The following ALCAM variants were observed in gnomAD, a reference collection of about 807,000 sequenced individuals.
The protein encoded by ALCAM is CD166 antigen.
Under a neutral mutation model 70.9 loss-of-function variants are expected in ALCAM, and 30 were observed. The ratio of observed to expected loss-of-function variants is 0.42; its 90% CI spans 0.32 to 0.57. ALCAM has a LOEUF of 0.57. ALCAM is among the 20% of genes least tolerant of loss of function. ALCAM has a pLI of 0.11. For synonymous variants in ALCAM, 249 were observed against 242.5 expected, an observed-to-expected ratio of 1.03 and a Z score of -0.25; for missense variants, 591 against 695.1, an observed-to-expected ratio of 0.85 and a Z score of 1.68.
At chr3:105,509,097 AATTT>A (rs776489484) in intron 1 of ALCAM, among the ~76,000 whole-genome samples, 15 of 152,232 alleles carry the variant, frequency 9.9e-5, no homozygotes, top group South Asian at 2.1e-4. Flanking sequence ...CTATATAGAC[AATTT>A]ATTTATCCTT....
intron 1 of ALCAM, among the ~76,000 whole-genome samples, chr3:105,473,875 A>G (rs1354092516): frequency 1.3e-5 from 2 of 149,654 alleles, no homozygotes; most frequent in East Asian, 3.9e-4. Flanking sequence ...AGAGCCAGAC[A>G]GTTTTGTTTT....
chr3:105,488,984 A>G (rs758354858), intron 1 of ALCAM, among the ~76,000 whole-genome samples: 2 of 152,194 alleles, frequency 1.3e-5, no homozygotes, highest in Non-Finnish European at 2.9e-5. Flanking sequence ...TTTATCTGTT[A>G]CAAACTTGTT....
chr3:105,456,582 T>C (rs1937537983), intron 1 of ALCAM, among the ~76,000 whole-genome samples: 1 of 152,202 alleles, frequency 6.6e-6, no homozygotes, highest in Non-Finnish European at 1.5e-5. Context: ...TGGACTCCTC[T>C]TTATCGTTTA....
intron 1 of ALCAM, among the ~76,000 whole-genome samples, chr3:105,421,003 C>CT (rs1936636252): frequency 6.6e-6 from 1 of 151,310 alleles, no homozygotes; most frequent in South Asian, 2.1e-4. Flanking sequence ...TCCGGGGCAA[C>CT]TTTTTTTAAG....
chr3:105,384,276 A>G (rs538407162), intron 1 of ALCAM, among the ~76,000 whole-genome samples: 1 of 151,760 alleles, frequency 6.6e-6, no homozygotes, highest in East Asian at 1.9e-4. Flanking sequence ...ACTGATAAAA[A>G]CAGTGCAGAA....
intron 1 of ALCAM, among the ~76,000 whole-genome samples, chr3:105,403,977 G>A (rs151181836): frequency 6.6e-6 from 1 of 150,932 alleles, no homozygotes; most frequent in Non-Finnish European, 1.5e-5. Flanking sequence ...TGAACAAGCA[G>A]AAGACGGAAC....
intron 4 of ALCAM, among the ~76,000 whole-genome samples, chr3:105,532,823 A>G (rs1392113156): frequency 6.6e-6 from 1 of 152,150 alleles, no homozygotes; most frequent in Middle Eastern, 3.2e-3. Context: ...AAGTTGGATC[A>G]TGACAAATCT....
At chr3:105,469,491 A>T (rs942863339) in intron 1 of ALCAM, among the ~76,000 whole-genome samples, 13 of 151,214 alleles carry the variant, frequency 8.6e-5, no homozygotes, top group Non-Finnish European at 1.6e-4. Flanking sequence ...ATGGAGACAG[A>T]CCAAAAGTAA....
chr3:105,448,514 A>G (rs1056400473), intron 1 of ALCAM, among the ~76,000 whole-genome samples: 3 of 152,110 alleles, frequency 2.0e-5, no homozygotes, highest in Non-Finnish European at 4.4e-5. Context: ...AACCTAGAGC[A>G]ATGAGTAACC....
At chr3:105,371,196 CTT>C (rs1196249244) in intron 1 of ALCAM, among the ~76,000 whole-genome samples, 1 of 152,020 alleles carries the variant, frequency 6.6e-6, no homozygotes, top group African/African-American at 2.4e-5. Flanking sequence ...ATTAAATAGT[CTT>C]GTGTTATTAG....
At chr3:105,507,133 T>A (rs922810216) in intron 1 of ALCAM, among the ~76,000 whole-genome samples, 1 of 152,100 alleles carries the variant, frequency 6.6e-6, no homozygotes, top group African/African-American at 2.4e-5. Flanking sequence ...TATGGAAAAA[T>A]TTGAGTGGAA....
chr3:105,423,457 A>G (rs1013956984), intron 1 of ALCAM, among the ~76,000 whole-genome samples: 5 of 150,646 alleles, frequency 3.3e-5, no homozygotes, highest in African/African-American at 9.7e-5. Context: ...ATAGTTAATC[A>G]TAGCTACTAG....
intron 1 of ALCAM, among the ~76,000 whole-genome samples, chr3:105,474,738 A>G (rs1576187471): frequency 6.6e-6 from 1 of 151,820 alleles, no homozygotes. Flanking sequence ...GAGATCATTG[A>G]CAATGAACAT....
chr3:105,473,969 A>G (rs1311543631), intron 1 of ALCAM, among the ~76,000 whole-genome samples: 1 of 151,454 alleles, frequency 6.6e-6, no homozygotes, highest in African/African-American at 2.4e-5. Context: ...AGGTTGAGCC[A>G]TGCTTTTAAG....
At chr3:105,474,679 G>T (rs536808896) in intron 1 of ALCAM, among the ~76,000 whole-genome samples, 1 of 151,458 alleles carries the variant, frequency 6.6e-6, no homozygotes, top group East Asian at 1.9e-4. Context: ...TTTTTTTTAC[G>T]TATGAAAGTA....
intron 1 of ALCAM, among the ~76,000 whole-genome samples, chr3:105,458,769 A>G (rs1406409396): frequency 6.6e-6 from 1 of 152,180 alleles, no homozygotes; most frequent in African/African-American, 2.4e-5. Context: ...TCAACAAGCT[A>G]CAGCATTTCG....
intron 1 of ALCAM, among the ~76,000 whole-genome samples, chr3:105,378,992 C>A (rs540232106): frequency 6.6e-6 from 1 of 152,068 alleles, no homozygotes; most frequent in South Asian, 2.1e-4. Context: ...TGCTCAGAGA[C>A]TCCAGACTGA....
In ALCAM at chr3:105,458,082, G is replaced by GGA. The variant is rs1553725399; in HGVS notation, c.74-61985_74-61984insGA. On this transcript the variant is annotated intron_variant, in intron 1 of 15. Transcript: ENST00000306107. ...TTCCTACTGTACACACACTTCAGGG[G>GGA]AAAAAAAAAAAACCAGCTTTATAGT... Among the ~76,000 whole-genome samples, 233 of 146,956 alleles carry GGA rather than the reference G, an allele frequency of 1.6e-3. 2 individuals carry two copies. The highest frequency in any genetic ancestry group is 5.4e-3 in the African/African-American group (216 of 39,954).
chr3:105,507,533 T>C (rs1412596548), intron 1 of ALCAM, among the ~76,000 whole-genome samples: 1 of 152,204 alleles, frequency 6.6e-6, no homozygotes, highest in Admixed American at 6.5e-5. Flanking sequence ...TTTAGCCTTT[T>C]CAGACTGGCT....
Sources: gnomAD v4.1 joint callset for allele counts (sites outside exome capture counted in the v4.1 genomes callset) on GRCh38, gnomAD v4.1.1 for gene constraint, MANE v1.5 for transcripts, NCBI Gene and HGNC (gene_info 2026-07-23, HGNC 2026-07-21) for gene names.